The following SHBG variants were observed in gnomAD, a reference collection of about 807,000 sequenced individuals.
SHBG encodes the protein sex hormone-binding globulin.
In SHBG, 37 loss-of-function variants were observed where a neutral mutation model predicts 41.9. The ratio of observed to expected loss-of-function variants is 0.88; its 90% CI spans 0.68 to 1.16. The LOEUF is 1.16. Ranked by LOEUF, SHBG falls within the 50% of genes most tolerant of loss-of-function variation. The probability of loss-of-function intolerance (pLI) is 0.00; values close to 1 mark genes in which losing one functional copy is unlikely to be tolerated. For synonymous variants in SHBG, 217 were observed against 205.8 expected, an observed-to-expected ratio of 1.05 and a Z score of -0.47; for missense variants, 466 against 499.9, an observed-to-expected ratio of 0.93 and a Z score of 0.65.
chr17:7,628,075 C>A, upstream of SHBG: 1 of 466,428 alleles, frequency 2.1e-6, no homozygotes, highest in East Asian at 6.6e-5. Context: ...AAAGGCTCCC[C>A]CGCAGTGCTT....
At chr17:7,614,671 G>C (rs2071929644) in intron 1 of SHBG, 1 of 386,250 alleles carries the variant, frequency 2.6e-6, no homozygotes, top group Non-Finnish European at 4.3e-6. Flanking sequence ...CCGGCCCCAC[G>C]GCGGCCCTGC....
chr17:7,630,904 TGGAGCTG>T lies in SHBG; in HGVS notation c.393+37_393+43del, dbSNP rs1212657176. 6.3e-7 allele frequency: 1 copy of T among 1,592,832 alleles called. No individual in the cohort carries two copies. The highest frequency in any genetic ancestry group is 1.7e-5 in the Admixed American group (1 of 59,956). ...CTCTGGTCCTCAGGGGAGGGATGTCTGGAGCTGGTCTGAGGAAAGGGAACAAAACCAA... is the reference window on the plus strand; with the variant it reads ...CTCTGGTCCTCAGGGGAGGGATGTCTGTCTGAGGAAAGGGAACAAAACCAA... On this transcript the variant is annotated intron_variant, in intron 3 of 7. Transcript: ENST00000380450. The surrounding 1 kb of genome is among the most constrained non-coding windows in gnomAD (Gnocchi z 4.6).
chr17:7,627,396 T>C, upstream of SHBG: 1 of 1,614,006 alleles, frequency 6.2e-7, no homozygotes, highest in Non-Finnish European at 8.5e-7. This position sits in a 1 kb window ranked among gnomAD's most constrained non-coding sequence, Gnocchi z 4.8. Flanking sequence ...TCCGAGAGTT[T>C]TTCGAATTCG....
At chr17:7,625,394 G>A (rs2072177971), upstream of SHBG, among the ~76,000 whole-genome samples, 2 of 151,056 alleles carry the variant, frequency 1.3e-5, no homozygotes, top group South Asian at 2.1e-4. Context: ...TGGCTAACAC[G>A]GTGAAACCCC....
chr17:7,633,237 G>A lies in SHBG; in HGVS notation c.1094G>A (p.Gly365Asp). ...TCTTCCACCTCTTTTTGCCTGAATG[G>A]CCTTTGGGCACAAGGTCAGAGGCTG... is the stretch of plus-strand genomic sequence containing the variant. ...EDSSTSFCLN[G>D]LWAQGQRLDV... The change falls in exon 8 of 8, where the codon GGC (glycine) becomes GAC (aspartate). Residue 365 changes from glycine to aspartate, a missense_variant. Coordinates refer to ENST00000380450, the MANE Select transcript of SHBG (RefSeq NM_001040.5). 1.9e-6 allele frequency: 3 copies of A among 1,613,722 alleles called. No homozygotes were observed. The highest frequency in any genetic ancestry group is 2.5e-6 in the Non-Finnish European group (3 of 1,179,872).
intron 1 of SHBG, chr17:7,614,741 G>C (rs1483820545): frequency 1.2e-5 from 3 of 255,322 alleles, no homozygotes; most frequent in Non-Finnish European, 1.5e-5. Flanking sequence ...CGCCGCCTTG[G>C]TCTCCGCCAC....
At chr17:7,627,753 G>A (rs774242545), upstream of SHBG, 6 of 1,136,200 alleles carry the variant, frequency 5.3e-6, no homozygotes, top group Non-Finnish European at 7.8e-6. This position sits in a 1 kb window ranked among gnomAD's most constrained non-coding sequence, Gnocchi z 4.8. Flanking sequence ...GGCGGGAGTC[G>A]GGGGGGACGG....
At chr17:7,625,969 C>T (rs113085304), upstream of SHBG, among the ~76,000 whole-genome samples, 31 of 151,052 alleles carry the variant, frequency 2.1e-4, no homozygotes, top group Middle Eastern at 3.5e-3. Flanking sequence ...TTTTCGAGGC[C>T]GAGGCGGACG....
intron 1 of SHBG, among the ~76,000 whole-genome samples, chr17:7,615,473 A>C (rs544950181): frequency 6.6e-6 from 1 of 152,244 alleles, no homozygotes; most frequent in African/African-American, 2.4e-5. Flanking sequence ...TAGATTTAAC[A>C]GTCATGGCTC....
Position 7,632,966 on chromosome 17 carries a change from G to A in SHBG, c.1060+7G>A, listed in dbSNP as rs751753729. On this transcript the variant is annotated splice_region_variant and intron_variant, in intron 7 of 7. Transcript: ENST00000380450. Reference sequence around the variant, plus strand: ...TTCCTGGGGGCTTTACCAGGTAAGAGAGAATGATGTTCAAGTTCATGAGCA... The same window carrying A: ...TTCCTGGGGGCTTTACCAGGTAAGAAAGAATGATGTTCAAGTTCATGAGCA... The A allele has an allele frequency of 3.1e-6, 5 of 1,611,400 alleles. No homozygotes were observed. Among genetic ancestry groups the A allele is most frequent in the African/African-American group, 2.7e-5 (2 of 75,006 alleles).
chr17:7,627,355 G>GCC, upstream of SHBG: 1 of 1,614,124 alleles, frequency 6.2e-7, no homozygotes, highest in Non-Finnish European at 8.5e-7. This position sits in a 1 kb window ranked among gnomAD's most constrained non-coding sequence, Gnocchi z 4.8. Context: ...TGGGCGCTGA[G>GCC]CCCCCACCTT....
chr17:7,630,163 G>T lies in SHBG; in HGVS notation c.-10G>T. ...AGTTGTCTGAGCCGCCGAGTGGACA[G>T]TGGCTGATTATGGAGAGCAGAGGCC... On this transcript the variant is annotated 5_prime_UTR_variant, in exon 1 of 8. Transcript: ENST00000380450. This position sits in a 1 kb window ranked among gnomAD's most constrained non-coding sequence, Gnocchi z 4.6. 3.1e-6 allele frequency: 5 copies of T among 1,610,508 alleles called. No homozygotes were observed. The highest frequency in any genetic ancestry group is 4.2e-6 in the Non-Finnish European group (5 of 1,176,772).
At chr17:7,627,189 A>G, upstream of SHBG, 1 of 1,614,096 alleles carries the variant, frequency 6.2e-7, no homozygotes, top group Non-Finnish European at 8.5e-7. This position sits in a 1 kb window ranked among gnomAD's most constrained non-coding sequence, Gnocchi z 4.8. Context: ...CCAAACAGTG[A>G]TAGAAAGGAT....
chr17:7,624,042 C>G (rs549988038), upstream of SHBG, among the ~76,000 whole-genome samples: 1 of 152,282 alleles, frequency 6.6e-6, no homozygotes, highest in Non-Finnish European at 1.5e-5. Flanking sequence ...AACTCCACCT[C>G]CTAGGTTCAA....
At chr17:7,633,004 C>G (rs183590434) in intron 7 of SHBG, 45 bp downstream of exon 7, 2 of 1,560,782 alleles carry the variant, frequency 1.3e-6, no homozygotes, top group East Asian at 4.5e-5. Context: ...ACATTGGAAA[C>G]AGCTCAAGGG....
At chr17:7,616,913 GC>G (rs2072004531) in intron 1 of SHBG, among the ~76,000 whole-genome samples, 1 of 152,128 alleles carries the variant, frequency 6.6e-6, no homozygotes, top group Non-Finnish European at 1.5e-5. Context: ...TCCAGCCTGG[GC>G]AAAAAGAGCG....
upstream of SHBG, chr17:7,626,118 C>T (rs187430615): frequency 5.7e-3 from 1,140 of 198,988 alleles, 25 homozygotes; most frequent in African/African-American, 0.024. Context: ...TGCTTGAACC[C>T]GTGAGGCAGA....
chr17:7,626,684 A>T, upstream of SHBG: 1 of 1,612,212 alleles, frequency 6.2e-7, no homozygotes, highest in South Asian at 1.1e-5. Context: ...CCCTCTTTCA[A>T]CCCGGGTCCC....
chr17:7,632,041 C>T, intron 6 of SHBG, 26 bp downstream of exon 6: 1 of 1,610,460 alleles, frequency 6.2e-7, no homozygotes, highest in Non-Finnish European at 8.5e-7. Context: ...GGGGCATTGC[C>T]TGTATTCAGT....
Sources: allele counts gnomAD v4.1 joint callset (sites outside exome capture counted in the v4.1 genomes callset), GRCh38; gene constraint gnomAD v4.1.1; non-coding constraint Gnocchi (gnomAD v3.1); transcripts MANE v1.5; gene names NCBI Gene and HGNC (gene_info 2026-07-23, HGNC 2026-07-21).